The following TLE7 variants were observed in gnomAD, a reference collection of about 807,000 sequenced individuals.
The protein encoded by TLE7 is transducin-like enhancer protein 7.
chr16:71,432,519 G>T (rs2042810040), intron 4 of TLE7, 146 bp downstream of exon 4: 1 of 397,680 alleles, frequency 2.5e-6, no homozygotes, highest in Admixed American at 4.4e-5. Flanking sequence ...TCTCAGGATG[G>T]GGGAACAGGG....
intron 1 of TLE7, among the ~76,000 whole-genome samples, chr16:71,433,700 C>T (rs1314449046): frequency 1.3e-5 from 2 of 152,230 alleles, no homozygotes; most frequent in African/African-American, 4.8e-5. Context: ...TGGCTCACAC[C>T]TGTAATCCCA....
At chr16:71,441,438 G>A (rs79163647) in intron 1 of TLE7, among the ~76,000 whole-genome samples, 2,663 of 152,334 alleles carry the variant, frequency 0.017, 73 homozygotes, top group African/African-American at 0.06. Context: ...AGGGCGCGGC[G>A]TGCGCGGCCG....
At chr16:71,441,681 C>A (rs1207216415) in intron 1 of TLE7, among the ~76,000 whole-genome samples, 1 of 152,234 alleles carries the variant, frequency 6.6e-6, no homozygotes, top group Admixed American at 6.5e-5. Flanking sequence ...GCTTCTCCGC[C>A]CACCGCGCAG....
chr16:71,438,499 T>C (rs1318044935), intron 1 of TLE7, among the ~76,000 whole-genome samples: 1 of 148,998 alleles, frequency 6.7e-6, no homozygotes, highest in Non-Finnish European at 1.5e-5. Flanking sequence ...TAAGGAGCTG[T>C]AATTAAACTT....
chr16:71,433,068 T>G lies in TLE7; in HGVS notation c.257A>C (p.Gln86Pro). 1 of 398,586 alleles carries G rather than the reference T, an allele frequency of 2.5e-6. No homozygotes were observed. The highest frequency in any genetic ancestry group is 4.4e-6 in the Non-Finnish European group (1 of 226,190). The allele number at this position is 398,586 out of a possible 1,614,324, so 24.7% of individuals were successfully genotyped here. ...HLQGLGRSEL[Q>P]AAGLPDAQPG... ...TTGTGCATCAGGGAGCCCAGCGGCC[T>G]GGAGCTCAGATCTACCCAGGCCCTG... The change falls in exon 2 of 10, where the codon CAG becomes CCG. Residue 86 changes from glutamine (Q) to proline (P), a missense_variant. Coordinates refer to ENST00000561754, the MANE Select transcript of TLE7 (RefSeq NM_001367365.2).
In TLE7 at chr16:71,433,094, G is replaced by A. The variant is rs1476667238; in HGVS notation, c.231C>T (p.Leu77=). ...GGAGCTCAGATCTACCCAGGCCCTGGAGGTGCCACTGCTGCTGGGTCACCG... is the reference window on the plus strand; with the variant it reads ...GGAGCTCAGATCTACCCAGGCCCTGAAGGTGCCACTGCTGCTGGGTCACCG... ...TSTVTQQQWH[L]QGLGRSELQA... Residue 77 remains leucine, a synonymous_variant, in exon 2 of 10, where the codon CTC becomes CTT. Transcript: ENST00000561754. 2.5e-6 allele frequency: 1 copy of A among 398,708 alleles called. No individual in the cohort carries two copies. Among genetic ancestry groups the A allele is most frequent in the African/African-American group, 2.1e-5 (1 of 48,624 alleles). The allele number at this position is 398,708 out of a possible 1,614,324, so 24.7% of individuals were successfully genotyped here.
At chr16:71,434,328 T>C (rs1388793032) in intron 1 of TLE7, among the ~76,000 whole-genome samples, 1 of 152,184 alleles carries the variant, frequency 6.6e-6, no homozygotes, top group Non-Finnish European at 1.5e-5. Context: ...AGGATTTAAG[T>C]AGACCAAATA....
At chr16:71,436,846 C>G (rs954442419) in intron 1 of TLE7, among the ~76,000 whole-genome samples, 1 of 152,216 alleles carries the variant, frequency 6.6e-6, no homozygotes, top group South Asian at 2.1e-4. Flanking sequence ...TCGTGGCTGT[C>G]TCAGCCAGTG....
At chr16:71,437,386 GGAGA>G (rs148458762) in intron 1 of TLE7, among the ~76,000 whole-genome samples, 9 of 148,774 alleles carry the variant, frequency 6.0e-5, no homozygotes, top group Admixed American at 2.0e-4. Flanking sequence ...AAGGGAGGGA[GGAGA>G]GAGAGAGAGA....
intron 1 of TLE7, among the ~76,000 whole-genome samples, chr16:71,440,397 G>T (rs1271235624): frequency 1.3e-5 from 2 of 152,168 alleles, no homozygotes; most frequent in Non-Finnish European, 2.9e-5. Context: ...AGAATCACTT[G>T]AACCCAGGAG....
chr16:71,434,181 T>G (rs141813427), intron 1 of TLE7, among the ~76,000 whole-genome samples: 2 of 152,244 alleles, frequency 1.3e-5, no homozygotes, highest in African/African-American at 2.4e-5. Flanking sequence ...GATTACTATT[T>G]CCTACCCTAT....
At position 71,430,293 on chromosome 16, in the gene TLE7, C is replaced by T. The variant is rs924948634; in HGVS notation, c.1295G>A (p.Ser432Asn). Residue 432 changes from serine (S) to asparagine (N), a missense_variant, in exon 10 of 10, where the codon AGC becomes AAC. Coordinates refer to ENST00000561754, the MANE Select transcript of TLE7 (RefSeq NM_001367365.2). ...DNQYLVMGSS[S>N]SATIYQLLY ...CAAGAGCTGGTAGATGGTGGCACTG[C>T]TGCTAGAGCCCATGACCAGATACTG... 2.5e-6 allele frequency: 1 copy of T among 398,710 alleles called. No individual in the cohort carries two copies. The allele number at this position is 398,710 out of a possible 1,614,324, so 24.7% of individuals were successfully genotyped here. A position where few individuals can be genotyped will look rare whatever the true frequency, so the allele number is the denominator to read the frequency against.
intron 1 of TLE7, among the ~76,000 whole-genome samples, chr16:71,441,403 G>A (rs976273991): frequency 9.9e-5 from 15 of 152,228 alleles, no homozygotes; most frequent in Non-Finnish European, 1.9e-4. Flanking sequence ...TAACCACTCA[G>A]AGCGTCCTTG....
intron 1 of TLE7, among the ~76,000 whole-genome samples, chr16:71,440,108 A>G (rs1172205290): frequency 6.6e-6 from 1 of 152,246 alleles, no homozygotes; most frequent in Admixed American, 6.5e-5. Flanking sequence ...ACAAAAGGCC[A>G]ATACTGCATG....
intron 9 of TLE7, 112 bp downstream of exon 9, chr16:71,430,556 C>T: frequency 2.5e-6 from 1 of 397,724 alleles, no homozygotes; most frequent in African/African-American, 2.1e-5. Context: ...GTAAAATGGC[C>T]CTGGCTGCCA....
chr16:71,433,049 A>T lies in TLE7; in HGVS notation c.276T>A (p.Asp92Glu), dbSNP rs989865015. 1.0e-5 allele frequency: 4 copies of T among 398,782 alleles called. No individual in the cohort carries two copies. In the East Asian group the frequency reaches 1.4e-4, roughly 14 times the overall value. 24.7% of individuals were successfully genotyped at this position (398,782 alleles called of 1,614,324 possible). ...ACTCTGCTGCTTCTCCTGGTTGTGC[A>T]TCAGGGAGCCCAGCGGCCTGGAGCT... is the stretch of plus-strand genomic sequence containing the variant. ...RSELQAAGLPDAQPGEAAESS... is the reference protein window; with the variant it reads ...RSELQAAGLPEAQPGEAAESS... Residue 92 changes from aspartate to glutamate, a missense_variant, in exon 2 of 10, where the codon GAT (aspartate) becomes GAA (glutamate). Transcript: ENST00000561754.
At chr16:71,436,593 G>C (rs997773273) in intron 1 of TLE7, among the ~76,000 whole-genome samples, 1 of 152,224 alleles carries the variant, frequency 6.6e-6, no homozygotes, top group Admixed American at 6.5e-5. Flanking sequence ...GCCAGCGTCT[G>C]TGCAAAGATG....
intron 1 of TLE7, among the ~76,000 whole-genome samples, chr16:71,436,668 T>C (rs2042827180): frequency 6.6e-6 from 1 of 152,210 alleles, no homozygotes; most frequent in South Asian, 2.1e-4. Context: ...TGAATCTCCT[T>C]TGCTTGAGAA....
intron 1 of TLE7, among the ~76,000 whole-genome samples, chr16:71,439,386 G>A (rs1257404947): frequency 6.6e-6 from 1 of 152,174 alleles, no homozygotes; most frequent in Non-Finnish European, 1.5e-5. Flanking sequence ...TTTAGCAATT[G>A]GGAGAATTTT....
Sources: gnomAD v4.1 joint callset for allele counts (sites outside exome capture counted in the v4.1 genomes callset) on GRCh38, gnomAD v4.1.1 for gene constraint, MANE v1.5 for transcripts, NCBI Gene and HGNC (gene_info 2026-07-23, HGNC 2026-07-21) for gene names.